Variants in ZNF385C observed in about 807,000 individuals in gnomAD.
ZNF385C encodes the protein CTD-2132N18.2.
ZNF385C carries 28 observed loss-of-function variants against 35.4 expected under a neutral mutation model. The ratio of observed to expected loss-of-function variants is 0.79; its 90% CI spans 0.59 to 1.08. The LOEUF is 1.08. Among genes scored for constraint, ZNF385C ranks in the 50% least tolerant of loss-of-function variants. The probability of loss-of-function intolerance (pLI) is 0.00; values close to 1 mark genes in which losing one functional copy is unlikely to be tolerated. For missense variants in ZNF385C, 605 were observed against 595.6 expected (o/e 1.02, Z -0.16); for synonymous variants, 248 against 248.2 (o/e 1.00, Z 0.01).
rs1555654673 is a variant in ZNF385C at position 42,028,914 on chromosome 17, C to G, written c.836G>C (p.Gly279Ala). The G allele has an allele frequency of 6.4e-7, 1 of 1,550,578 alleles. No homozygotes were observed. Among genetic ancestry groups the G allele is most frequent in the Admixed American group, 2.0e-5 (1 of 50,998 alleles). The change falls in exon 6 of 9, where the codon GGG becomes GCG. Residue 279 changes from glycine (G) to alanine (A), a missense_variant. Transcript: ENST00000692273. ...CACGGCAGCTGCCGCTGGCTCAGGC[C>G]CCGGTGCCTCTCTCCCAGGCTCTGG... Reference protein sequence around the residue: ...CSPEPGREAPGPEPAAAAVGS... With the variant: ...CSPEPGREAPAPEPAAAAVGS...
chr17:42,058,100 T>C (rs2053408773), intron 2 of ZNF385C, among the ~76,000 whole-genome samples: 1 of 152,038 alleles, frequency 6.6e-6, no homozygotes, highest in African/African-American at 2.4e-5. Flanking sequence ...GCTCACTCAG[T>C]GCTGGGAGTA....
chr17:42,064,689 C>T (rs1357136519), intron 1 of ZNF385C, among the ~76,000 whole-genome samples: 1 of 152,048 alleles, frequency 6.6e-6, no homozygotes, highest in Non-Finnish European at 1.5e-5. Context: ...CTCAGCCTCT[C>T]AAGTAGCTGG....
chr17:42,047,739 C>T (rs1227988996), intron 2 of ZNF385C, among the ~76,000 whole-genome samples: 2 of 150,092 alleles, frequency 1.3e-5, no homozygotes, highest in African/African-American at 4.9e-5. Flanking sequence ...CTGCAACCTC[C>T]GCCTCCTGGG....
intron 2 of ZNF385C, among the ~76,000 whole-genome samples, chr17:42,060,586 GC>G (rs770578494): frequency 0.013 from 2,039 of 152,312 alleles, 21 homozygotes; most frequent in Non-Finnish European, 0.021. Context: ...CACCCAAAGA[GC>G]CATGGGCTTG....
intron 4 of ZNF385C, among the ~76,000 whole-genome samples, 184 bp from the exon 5 acceptor site, chr17:42,031,968 T>C (rs2052740137): frequency 6.6e-6 from 1 of 152,230 alleles, no homozygotes; most frequent in Non-Finnish European, 1.5e-5. Context: ...GCAGAATGTG[T>C]TCTCGCACAT....
chr17:42,043,537 G>T, intron 2 of ZNF385C: 1 of 486,820 alleles, frequency 2.1e-6, no homozygotes, highest in Non-Finnish European at 3.2e-6. Flanking sequence ...AGCCTGGAGA[G>T]TTTATTCCTG....
intron 2 of ZNF385C, among the ~76,000 whole-genome samples, chr17:42,052,056 T>C (rs1157685282): frequency 1.6e-4 from 25 of 152,052 alleles, no homozygotes; most frequent in Admixed American, 1.6e-3. Flanking sequence ...AGGTTGGGGG[T>C]AGGTCTTCTT....
intron 8 of ZNF385C, 68 bp from the exon 9 acceptor site, chr17:42,027,201 ATCC>A: frequency 7.3e-7 from 1 of 1,375,426 alleles, no homozygotes; most frequent in Non-Finnish European, 1.0e-6. Context: ...CCTGGGGCCC[ATCC>A]TCAAGCTTTT....
chr17:42,027,566 C>CCCCCCCCA, intron 8 of ZNF385C, 52 bp downstream of exon 8: 1 of 842,198 alleles, frequency 1.2e-6, no homozygotes, highest in Non-Finnish European at 1.9e-6. Context: ...CCTCCCAGCC[C>CCCCCCCCA]ACCCTCTCCC....
intron 2 of ZNF385C, chr17:42,039,850 T>C (rs2052965047): frequency 5.8e-6 from 7 of 1,206,708 alleles, no homozygotes; most frequent in Non-Finnish European, 7.2e-6. Flanking sequence ...GGCCCCACTC[T>C]GCCCCCACCA....
intron 2 of ZNF385C, among the ~76,000 whole-genome samples, chr17:42,059,661 G>T (rs2053432577): frequency 6.6e-6 from 1 of 151,650 alleles, no homozygotes; most frequent in Non-Finnish European, 1.5e-5. Flanking sequence ...TCATTCTGTC[G>T]CCCAGGCTGG....
intron 2 of ZNF385C, among the ~76,000 whole-genome samples, chr17:42,045,107 C>T (rs782360059): frequency 7.2e-5 from 11 of 152,196 alleles, no homozygotes; most frequent in East Asian, 1.9e-4. Context: ...TTAGTGGAGA[C>T]GGGGTTTCAC....
chr17:42,044,941 A>G (rs1247705031), intron 2 of ZNF385C, among the ~76,000 whole-genome samples: 4 of 142,188 alleles, frequency 2.8e-5, no homozygotes, highest in African/African-American at 7.8e-5. Context: ...TTTTTGAGAC[A>G]GAGGCTCACT....
At chr17:42,078,456 TG>T (rs5820445) in intron 1 of ZNF385C, among the ~76,000 whole-genome samples, 151,956 of 151,956 alleles carry the variant, frequency 1, 75,978 homozygotes, top group Non-Finnish European at 1. Context: ...CCAGTATGCA[TG>T]GGGGACTGGG....
At position 42,039,882 on chromosome 17, in the gene ZNF385C, G is replaced by A. The variant is rs2052966777; in HGVS notation, c.251-1997C>T. ...ACCACCGCAGCTCCCGGCTGCGGCC[G>A]ACCTTGTCCAGCAGGCCAGCGCCCG... On this transcript the variant is annotated intron_variant, in intron 2 of 8. Coordinates refer to ENST00000692273, the MANE Select transcript of ZNF385C (RefSeq NM_001392013.1). 8 of 1,231,448 alleles carry A rather than the reference G, an allele frequency of 6.5e-6. No individual in the cohort carries two copies. In the East Asian group the frequency reaches 9.5e-5, roughly 15 times the overall value. The allele number at this position is 1,231,448 out of a possible 1,614,324, so 76.3% of individuals were successfully genotyped here.
At chr17:42,059,945 C>T (rs963949967) in intron 2 of ZNF385C, among the ~76,000 whole-genome samples, 1 of 152,146 alleles carries the variant, frequency 6.6e-6, no homozygotes, top group Non-Finnish European at 1.5e-5. Context: ...CTTTTCTCCT[C>T]TCCCCACACC....
intron 2 of ZNF385C, chr17:42,042,869 C>T (rs1555656272): frequency 1.6e-5 from 20 of 1,232,144 alleles, no homozygotes; most frequent in Admixed American, 8.4e-5. Context: ...CTGTAGTAAT[C>T]GCCATGCTCT....
intron 2 of ZNF385C, among the ~76,000 whole-genome samples, chr17:42,054,447 C>T (rs1370413099): frequency 1.3e-5 from 2 of 152,148 alleles, no homozygotes; most frequent in Admixed American, 1.3e-4. Context: ...TATCAAAGAG[C>T]ACTGGCCATG....
intron 2 of ZNF385C, chr17:42,040,509 C>T (rs970036816): frequency 7.3e-6 from 9 of 1,232,714 alleles, no homozygotes; most frequent in South Asian, 4.1e-5. Context: ...GCACAGAGGG[C>T]AGGGCATCCA....
Sources: allele counts gnomAD v4.1 joint callset (sites outside exome capture counted in the v4.1 genomes callset), GRCh38; gene constraint gnomAD v4.1.1; transcripts MANE v1.5; gene names NCBI Gene and HGNC (gene_info 2026-07-23, HGNC 2026-07-21).